RPS6KL1: variants seen among roughly 807,000 people sequenced by gnomAD.
The protein encoded by RPS6KL1 is ribosomal protein S6 kinase like 1, also known as ribosomal protein S6 kinase-like 1.
In RPS6KL1, 41 loss-of-function variants were observed where a neutral mutation model predicts 57.0. The ratio of observed to expected loss-of-function variants is 0.72; its 90% confidence interval spans 0.56 to 0.93. The LOEUF (loss-of-function observed/expected upper bound fraction) is 0.93. RPS6KL1 is among the 40% of genes least tolerant of loss of function. The probability of loss-of-function intolerance (pLI) is 0.00; values close to 1 mark genes in which losing one functional copy is unlikely to be tolerated. For missense variants in RPS6KL1, 697 were observed against 727.7 expected (o/e 0.96, Z 0.49); for synonymous variants, 287 against 309.7 (o/e 0.93, Z 0.77).
chr14:74,919,818 G>A (rs1887502025), intron 4 of RPS6KL1, 27 bp downstream of exon 4: 3 of 1,580,292 alleles, frequency 1.9e-6, no homozygotes, highest in Non-Finnish European at 2.6e-6. Context: ...TCCCGCTCAG[G>A]CCTTTGGGTG....
intron 3 of RPS6KL1, among the ~76,000 whole-genome samples, chr14:74,920,638 C>T (rs1167182718): frequency 6.6e-6 from 1 of 152,256 alleles, no homozygotes; most frequent in Non-Finnish European, 1.5e-5. Context: ...CTGGATAACG[C>T]ACCTACCATT....
intron 5 of RPS6KL1, 24 bp downstream of exon 5, chr14:74,918,489 C>T: frequency 1.3e-6 from 2 of 1,484,540 alleles, no homozygotes; most frequent in African/African-American, 1.4e-5. Context: ...CTCCCTCCTG[C>T]AAGGCGAGTG....
intron 10 of RPS6KL1, among the ~76,000 whole-genome samples, chr14:74,908,197 G>A (rs926141030): frequency 3.9e-5 from 6 of 152,322 alleles, no homozygotes; most frequent in Non-Finnish European, 8.8e-5. Context: ...TTCAGTTCAC[G>A]CTGCATCCAT....
intron 6 of RPS6KL1, 86 bp from the exon 7 acceptor site, chr14:74,911,466 C>T (rs1415726747): frequency 2.0e-6 from 3 of 1,489,848 alleles, no homozygotes; most frequent in Non-Finnish European, 2.7e-6. Flanking sequence ...GCTTCAGGGG[C>T]ACCCGAATGA....
At position 74,911,700 on chromosome 14, in the gene RPS6KL1, C is replaced by T. The variant is rs1393298412; in HGVS notation, c.531+94G>A. On this transcript the variant is annotated intron_variant, in intron 6 of 11. Coordinates refer to ENST00000557413, the MANE Select transcript of RPS6KL1 (RefSeq NM_031464.5). ...CAACCAGCTTTTGTGGGAGGGAGTG[C>T]AGGCTTCAAATGCAGGTTCTGGGTA... The T allele has an allele frequency of 7.5e-6, 9 of 1,200,350 alleles. No individual in the cohort carries two copies. In the East Asian group the frequency reaches 1.8e-4, roughly 24 times the overall value. The allele number at this position is 1,200,350 out of a possible 1,614,324, so 74.4% of individuals were successfully genotyped here. A position where few individuals can be genotyped will look rare whatever the true frequency, so the allele number is the denominator to read the frequency against.
At chr14:74,920,095 T>G (rs1887577053) in intron 3 of RPS6KL1, 126 bp from the exon 4 acceptor site, 2 of 1,259,766 alleles carry the variant, frequency 1.6e-6, no homozygotes, top group Non-Finnish European at 2.2e-6. Context: ...GTTCGGCAGA[T>G]TCTGCCCCCA....
intron 7 of RPS6KL1, chr14:74,911,037 A>C: frequency 6.4e-6 from 3 of 467,920 alleles, no homozygotes; most frequent in Non-Finnish European, 7.9e-6. Flanking sequence ...ACACCTGGCT[A>C]GTTTTTGTAT....
intron 5 of RPS6KL1, among the ~76,000 whole-genome samples, chr14:74,913,682 T>A (rs960228398): frequency 2.6e-5 from 4 of 152,176 alleles, no homozygotes; most frequent in African/African-American, 9.7e-5. Flanking sequence ...TCTTTTTAAG[T>A]ACAAAACGGG....
chr14:74,908,258 A>G (rs1224183334), intron 10 of RPS6KL1, among the ~76,000 whole-genome samples: 1 of 152,196 alleles, frequency 6.6e-6, no homozygotes, highest in Non-Finnish European at 1.5e-5. Flanking sequence ...TGCTGCCTAC[A>G]TAACTGGCCT....
At position 74,922,345 on chromosome 14, in the gene RPS6KL1, T is replaced by C. The variant is rs914623927; in HGVS notation, c.-388A>G. The C allele has an allele frequency of 2.0e-6, 2 of 986,032 alleles. No homozygotes were observed. Among genetic ancestry groups the C allele is most frequent in the African/African-American group, 3.5e-5 (2 of 57,242 alleles). The allele number at this position is 986,032 out of a possible 1,614,324, so 61.1% of individuals were successfully genotyped here. A position where few individuals can be genotyped will look rare whatever the true frequency, so the allele number is the denominator to read the frequency against. ...TCCTGTGGGAATCTCATTTACCCTTTGGGGTTTAGCACTTCTCCGTGGACC... is the reference window on the plus strand; with the variant it reads ...TCCTGTGGGAATCTCATTTACCCTTCGGGGTTTAGCACTTCTCCGTGGACC... On this transcript the variant is annotated 5_prime_UTR_variant, in exon 2 of 12. Transcript: ENST00000557413.
chr14:74,920,052 C>G, intron 3 of RPS6KL1, 83 bp from the exon 4 acceptor site: 1 of 1,555,428 alleles, frequency 6.4e-7, no homozygotes, highest in Non-Finnish European at 8.8e-7. Context: ...GCCCTCTACC[C>G]TCCCAAGGAG....
chr14:74,907,598 A>G (rs1885140956), intron 10 of RPS6KL1, 68 bp from the exon 11 acceptor site: 1 of 1,457,574 alleles, frequency 6.9e-7, no homozygotes, highest in Non-Finnish European at 9.2e-7. Context: ...AGTGGCAGCC[A>G]GGATTTTTTT....
Position 74,911,967 on chromosome 14 carries a change from C to T in RPS6KL1, c.484-126G>A, listed in dbSNP as rs570597177. 1.7e-4 allele frequency: 113 copies of T among 673,784 alleles called. 1 individual carries two copies. The South Asian group carries it at 1.7e-3, about 10-fold the overall frequency. The allele number at this position is 673,784 out of a possible 1,614,324, so 41.7% of individuals were successfully genotyped here. A position where few individuals can be genotyped will look rare whatever the true frequency, so the allele number is the denominator to read the frequency against. ...CACTCCAGTGGCAGGGCAGGGAGGG[C>T]GGGCTTTGGTGGCACTCCTGAAGCA... On this transcript the variant is annotated intron_variant, in intron 5 of 11. Transcript: ENST00000557413.
intron 8 of RPS6KL1, 81 bp downstream of exon 8, chr14:74,909,462 T>G: frequency 6.7e-7 from 1 of 1,495,354 alleles, no homozygotes; most frequent in Non-Finnish European, 8.9e-7. Flanking sequence ...ACCTTGGAGG[T>G]CCCCTCGACT....
Position 74,922,464 on chromosome 14 carries a change from G to T in RPS6KL1, c.-507C>A. On this transcript the variant is annotated 5_prime_UTR_variant, in exon 2 of 12. Coordinates refer to ENST00000557413, the MANE Select transcript of RPS6KL1 (RefSeq NM_031464.5). ...CCTCCTGGAGCCAGCAGAGAGCAGAGCACAGAGCTGGGCTGTAAGAACTGT... is the reference window on the plus strand; with the variant it reads ...CCTCCTGGAGCCAGCAGAGAGCAGATCACAGAGCTGGGCTGTAAGAACTGT... The T allele has an allele frequency of 2.4e-6, 1 of 424,332 alleles. No individual in the cohort carries two copies. Among genetic ancestry groups the T allele is most frequent in the Non-Finnish European group, 3.2e-6 (1 of 316,296 alleles). The allele number at this position is 424,332 out of a possible 1,614,324, so 26.3% of individuals were successfully genotyped here.
At chr14:74,916,871 C>T (rs891377625) in intron 5 of RPS6KL1, among the ~76,000 whole-genome samples, 1 of 152,226 alleles carries the variant, frequency 6.6e-6, no homozygotes, top group African/African-American at 2.4e-5. Flanking sequence ...ATAACTTCAA[C>T]TCGCTGTTTT....
At position 74,915,602 on chromosome 14, in the gene RPS6KL1, G is replaced by C. The variant is rs1031435633; in HGVS notation, c.483+2911C>G. 3.9e-5 allele frequency among the ~76,000 whole-genome samples: 6 copies of C among 152,200 alleles called. No homozygotes were observed. The South Asian group carries it at 8.3e-4, about 21-fold the overall frequency. ...AAACTCAAAGGTCCACAGGGGCCAG[G>C]CATGTGAGCAAATAGGCAGGGTGGA... On this transcript the variant is annotated intron_variant, in intron 5 of 11. Coordinates refer to ENST00000557413, the MANE Select transcript of RPS6KL1 (RefSeq NM_031464.5).
intron 4 of RPS6KL1, among the ~76,000 whole-genome samples, chr14:74,919,583 C>A (rs1887449869): frequency 6.6e-6 from 1 of 152,186 alleles, no homozygotes; most frequent in South Asian, 2.1e-4. Context: ...GCACACATGG[C>A]AAGTGCTCTG....
intron 10 of RPS6KL1, among the ~76,000 whole-genome samples, chr14:74,907,760 T>C (rs937542379): frequency 6.6e-6 from 1 of 152,220 alleles, no homozygotes; most frequent in African/African-American, 2.4e-5. Flanking sequence ...AGTTCAGGGT[T>C]TGAACCTAGG....
Sources: allele counts gnomAD v4.1 joint callset (sites outside exome capture counted in the v4.1 genomes callset), GRCh38; gene constraint gnomAD v4.1.1; transcripts MANE v1.5; gene names NCBI Gene and HGNC (gene_info 2026-07-23, HGNC 2026-07-21).